The following STIM1 variants were observed in gnomAD, a reference collection of about 807,000 sequenced individuals.
The protein encoded by STIM1 is stromal interaction molecule 1.
Under a neutral mutation model 74.7 loss-of-function variants are expected in STIM1, and 25 were observed. The ratio of observed to expected loss-of-function variants is 0.33; its 90% CI spans 0.24 to 0.47. The LOEUF is 0.47. Ranked by LOEUF, STIM1 falls within the 20% of genes least tolerant of loss-of-function variation. The probability of loss-of-function intolerance (pLI) is 1.00; values close to 1 mark genes in which losing one functional copy is unlikely to be tolerated. For synonymous variants in STIM1, 328 were observed against 348.8 expected (o/e 0.94, Z 0.66); for missense variants, 728 against 920.8 (o/e 0.79, Z 2.71).
chr11:3,984,886 A>G (rs2135816500), intron 2 of STIM1, among the ~76,000 whole-genome samples: 1 of 152,330 alleles, frequency 6.6e-6, no homozygotes, highest in East Asian at 1.9e-4. Context: ...GCACATTTTA[A>G]GGGCTGTAAT....
At chr11:3,857,096 G>GTTTTTTTTTTT (rs1397784537) in intron 1 of STIM1, among the ~76,000 whole-genome samples, 2 of 77,974 alleles carry the variant, frequency 2.6e-5, no homozygotes, top group Non-Finnish European at 4.7e-5. Context: ...CATGCTACAG[G>GTTTTTTTTTTT]TTTTTTTTTT....
intron 1 of STIM1, among the ~76,000 whole-genome samples, chr11:3,876,607 C>A (rs1354771893): frequency 6.6e-6 from 1 of 152,156 alleles, no homozygotes; most frequent in Non-Finnish European, 1.5e-5. Flanking sequence ...CAGGGTTTCA[C>A]TGTGTTGCCC....
chr11:4,085,232 C>T (rs532428426), intron 11 of STIM1, among the ~76,000 whole-genome samples: 23 of 152,148 alleles, frequency 1.5e-4, no homozygotes, highest in African/African-American at 5.3e-4. Flanking sequence ...CTGAACTCTC[C>T]ATCACTATGG....
At chr11:3,934,438 A>G (rs746781426) in intron 1 of STIM1, among the ~76,000 whole-genome samples, 1 of 152,134 alleles carries the variant, frequency 6.6e-6, no homozygotes, top group Non-Finnish European at 1.5e-5. Context: ...GGAGGTTGTC[A>G]TGCCCACTTT....
chr11:3,985,493 G>T (rs921935467), intron 2 of STIM1, among the ~76,000 whole-genome samples: 1 of 152,194 alleles, frequency 6.6e-6, no homozygotes, highest in Non-Finnish European at 1.5e-5. Context: ...CATAAATGAG[G>T]TTGAGGATCA....
At chr11:4,052,454 C>T (rs2094250946) in intron 3 of STIM1, among the ~76,000 whole-genome samples, 1 of 152,178 alleles carries the variant, frequency 6.6e-6, no homozygotes. Context: ...ACCATCTGAT[C>T]TTTGACAAAC....
chr11:3,878,864 G>A (rs1253082665), intron 1 of STIM1, among the ~76,000 whole-genome samples: 2 of 152,070 alleles, frequency 1.3e-5, no homozygotes, highest in African/African-American at 2.4e-5. Context: ...ATCTTCCCCC[G>A]ACAGTTTGGC....
At chr11:4,016,515 C>T (rs2093898649) in intron 2 of STIM1, among the ~76,000 whole-genome samples, 2 of 152,230 alleles carry the variant, frequency 1.3e-5, no homozygotes, top group South Asian at 4.1e-4. Context: ...CAGGGACCCA[C>T]TTGAGGAGGC....
chr11:4,020,187 A>G (rs2093942935), intron 2 of STIM1, among the ~76,000 whole-genome samples: 1 of 152,104 alleles, frequency 6.6e-6, no homozygotes. Context: ...ATTTTCTTTA[A>G]ACATTCATTT....
chr11:4,059,566 C>T lies in STIM1; in HGVS notation c.613+170C>T, dbSNP rs533020399. Among the ~76,000 whole-genome samples, 10 of 152,292 alleles carry T rather than the reference C, an allele frequency of 6.6e-5. No homozygotes were observed. The South Asian group carries it at 1.2e-3, about 19-fold the overall frequency. ...AGAGTCTTACATTTTAGTCCAGACA[C>T]GTAGCAACATGCATTCATTAAATAC... On this transcript the variant is annotated intron_variant, in intron 5 of 12. Coordinates refer to ENST00000526596, the MANE Select transcript of STIM1 (RefSeq NM_001382567.1).
At chr11:4,020,260 G>T (rs2093943542) in intron 2 of STIM1, among the ~76,000 whole-genome samples, 1 of 152,160 alleles carries the variant, frequency 6.6e-6, no homozygotes, top group South Asian at 2.1e-4. Flanking sequence ...CAATAAACAT[G>T]GAAGTGAAGA....
chr11:3,919,495 A>G (rs10835301), intron 1 of STIM1, among the ~76,000 whole-genome samples: 57,437 of 151,794 alleles, frequency 0.38, 12,413 homozygotes, highest in Admixed American at 0.48. Context: ...GTGAGCCACC[A>G]TGCCCAGCCT....
chr11:4,027,604 G>A (rs931892325), intron 3 of STIM1, among the ~76,000 whole-genome samples: 5 of 152,190 alleles, frequency 3.3e-5, no homozygotes, highest in South Asian at 2.1e-4. Flanking sequence ...GTGAACCACC[G>A]TGCCTGGGGA....
chr11:4,017,685 T>C (rs557785829), intron 2 of STIM1, among the ~76,000 whole-genome samples: 2 of 152,292 alleles, frequency 1.3e-5, no homozygotes, highest in African/African-American at 4.8e-5. Context: ...GGTTGGAGCC[T>C]ATGAGGACCA....
intron 5 of STIM1, among the ~76,000 whole-genome samples, chr11:4,069,379 C>G (rs1252888742): frequency 6.6e-6 from 1 of 152,112 alleles, no homozygotes; most frequent in East Asian, 1.9e-4. Context: ...AGCTCTGCCC[C>G]TCAATTTCTG....
At chr11:3,929,324 A>T (rs4910866) in intron 1 of STIM1, among the ~76,000 whole-genome samples, 36,808 of 151,952 alleles carry the variant, frequency 0.24, 5,577 homozygotes, top group South Asian at 0.45. Context: ...AGTACCCCAC[A>T]TTCTGGTTCC....
intron 1 of STIM1, among the ~76,000 whole-genome samples, chr11:3,958,696 G>A (rs964107023): frequency 2.0e-5 from 3 of 151,998 alleles, no homozygotes; most frequent in East Asian, 1.9e-4. Context: ...ATAGTCAGGC[G>A]CAGTGGCTCA....
intron 1 of STIM1, among the ~76,000 whole-genome samples, chr11:3,923,666 A>G (rs963436859): frequency 1.3e-5 from 2 of 150,618 alleles, no homozygotes; most frequent in African/African-American, 4.9e-5. Context: ...TACCTTTCTC[A>G]TAAGGCAGAT....
intron 5 of STIM1, among the ~76,000 whole-genome samples, chr11:4,066,166 T>C (rs894859803): frequency 5.3e-5 from 8 of 152,290 alleles, no homozygotes; most frequent in African/African-American, 1.7e-4. Context: ...GTTCCCCCAG[T>C]CCCAGCCAGC....
Sources: gnomAD v4.1 joint callset for allele counts (sites outside exome capture counted in the v4.1 genomes callset) on GRCh38, gnomAD v4.1.1 for gene constraint, MANE v1.5 for transcripts, NCBI Gene and HGNC (gene_info 2026-07-23, HGNC 2026-07-21) for gene names.